The following ANXA8 variants were observed in gnomAD, a reference collection of about 807,000 sequenced individuals.
The protein encoded by ANXA8 is annexin A8, also known as VAC-beta.
A neutral mutation model predicts 26.8 loss-of-function variants in ANXA8; 9 were observed. The ratio of observed to expected loss-of-function variants is 0.34; its 90% CI spans 0.20 to 0.59. The LOEUF (loss-of-function observed/expected upper bound fraction) is 0.59, where lower values mean the gene tolerates loss of function less well. Ranked by LOEUF, ANXA8 falls within the 20% of genes least tolerant of loss-of-function variation. The pLI is 0.84. For missense variants in ANXA8, 83 were observed against 238.5 expected (o/e 0.35, Z 4.29); for synonymous variants, 39 against 94.8 (o/e 0.41, Z 3.42).
At chr10:47,658,903 G>T in the ANXA8 span, among the ~76,000 whole-genome samples, 1 of 146,290 alleles carries the variant, frequency 6.8e-6, no homozygotes. Context: ...ACAGAGTCTT[G>T]CTCTGTCGCC....
the ANXA8 span, chr10:47,599,593 A>C: frequency 1.4e-5 from 2 of 143,876 alleles, no homozygotes; most frequent in East Asian, 2.0e-4. Flanking sequence ...GCAAAGCATA[A>C]AAAATGTGAA....
the ANXA8 span, among the ~76,000 whole-genome samples, chr10:47,548,028 G>A: frequency 1.4e-5 from 2 of 142,558 alleles, no homozygotes; most frequent in Non-Finnish European, 3.1e-5. Context: ...ATCATTTCAA[G>A]TATACAAGTT....
the ANXA8 span, among the ~76,000 whole-genome samples, chr10:47,979,405 C>A: frequency 1.3e-5 from 2 of 151,432 alleles, no homozygotes; most frequent in Admixed American, 1.3e-4. Flanking sequence ...AAGAATAAAT[C>A]TTGTCATGAG....
chr10:47,666,852 A>G, the ANXA8 span, among the ~76,000 whole-genome samples: 36 of 152,068 alleles, frequency 2.4e-4, 1 homozygote, highest in African/African-American at 8.2e-4. Flanking sequence ...AGGTATTTGG[A>G]ATTTACCTGC....
the ANXA8 span, among the ~76,000 whole-genome samples, chr10:47,743,283 C>CACATATATATACAT: frequency 9.8e-5 from 8 of 81,974 alleles, no homozygotes; most frequent in African/African-American, 3.4e-4. Context: ...TATATACACA[C>CACATATATATACAT]ATATATATAT....
chr10:47,691,314 ACT>A, the ANXA8 span: 3 of 971,386 alleles, frequency 3.1e-6, no homozygotes, highest in East Asian at 8.7e-5. Flanking sequence ...GTCTTTGAAG[ACT>A]CTTTCTTTAG....
the ANXA8 span, among the ~76,000 whole-genome samples, chr10:47,743,378 ATGTGTG>A: frequency 2.0e-3 from 120 of 59,784 alleles, 1 homozygote; most frequent in African/African-American, 4.1e-3. Flanking sequence ...ATACATATAT[ATGTGTG>A]TGTGTGTGTG....
the ANXA8 span, among the ~76,000 whole-genome samples, chr10:47,693,982 G>C: frequency 6.6e-6 from 1 of 151,814 alleles, no homozygotes; most frequent in South Asian, 2.1e-4. Flanking sequence ...GCTGGATCCT[G>C]GACCATGGTC....
chr10:47,673,654 CT>C, the ANXA8 span, among the ~76,000 whole-genome samples: 9 of 151,720 alleles, frequency 5.9e-5, no homozygotes, highest in South Asian at 2.1e-4. Flanking sequence ...GTTCCTACAG[CT>C]TTTTTTTCTT....
chr10:47,652,889 A>G, the ANXA8 span, among the ~76,000 whole-genome samples: 19 of 150,706 alleles, frequency 1.3e-4, no homozygotes, highest in South Asian at 6.2e-4. Context: ...TTATATTTAT[A>G]TTATATTTAC....
At chr10:47,980,473 A>C in the ANXA8 span, among the ~76,000 whole-genome samples, 1 of 151,840 alleles carries the variant, frequency 6.6e-6, no homozygotes, top group African/African-American at 2.4e-5. Context: ...AAAAAACAAG[A>C]GTAATTGCTT....
At chr10:47,932,779 G>A in the ANXA8 span, among the ~76,000 whole-genome samples, 12 of 82,964 alleles carry the variant, frequency 1.4e-4, 2 homozygotes, top group Non-Finnish European at 2.5e-4. Flanking sequence ...AGATACATCA[G>A]GGAGATGTCC....
chr10:47,571,614 T>C, the ANXA8 span, among the ~76,000 whole-genome samples: 18 of 147,796 alleles, frequency 1.2e-4, 1 homozygote, highest in African/African-American at 3.4e-4. Flanking sequence ...AGGAATTGCA[T>C]TGAATCTGCA....
the ANXA8 span, among the ~76,000 whole-genome samples, chr10:47,594,733 A>T: frequency 1.4e-5 from 2 of 147,980 alleles, no homozygotes; most frequent in East Asian, 3.9e-4. Context: ...AATATTTTTT[A>T]AAAAGACAAA....
the ANXA8 span, chr10:47,502,410 C>A: frequency 1.2e-6 from 2 of 1,610,696 alleles, no homozygotes; most frequent in African/African-American, 2.7e-5. Flanking sequence ...GAAAGAGCTT[C>A]TCCTCATATT....
At chr10:47,939,475 C>G in the ANXA8 span, among the ~76,000 whole-genome samples, 1 of 144,770 alleles carries the variant, frequency 6.9e-6, no homozygotes, top group African/African-American at 2.7e-5. Flanking sequence ...ATATGCCAGG[C>G]TTTCCTGGTT....
the ANXA8 span, among the ~76,000 whole-genome samples, chr10:47,612,651 C>G: frequency 1.4e-5 from 1 of 72,886 alleles, no homozygotes; most frequent in African/African-American, 4.1e-5. Flanking sequence ...CATGAAAGTT[C>G]TTCCCTCATG....
chr10:47,760,671 G>A, the ANXA8 span: 1 of 590,920 alleles, frequency 1.7e-6, no homozygotes, highest in Non-Finnish European at 3.0e-6. Flanking sequence ...TGGTCCCTGG[G>A]TGGTCCCTGG....
upstream of ANXA8, among the ~76,000 whole-genome samples, chr10:47,486,449 G>C (rs1323120941): frequency 7.2e-6 from 1 of 139,528 alleles, no homozygotes; most frequent in Non-Finnish European, 1.6e-5. Flanking sequence ...TATTCTTCCA[G>C]AAGAGCCCCT....
Sources: gnomAD v4.1 joint callset for allele counts (sites outside exome capture counted in the v4.1 genomes callset) on GRCh38, gnomAD v4.1.1 for gene constraint, MANE v1.5 for transcripts, NCBI Gene and HGNC (gene_info 2026-07-23, HGNC 2026-07-21) for gene names.